Variants in OPCML observed in about 807,000 individuals in gnomAD.
OPCML encodes the protein opioid binding protein/cell adhesion molecule like, also known as opioid-binding protein/cell adhesion molecule.
In OPCML, 13 loss-of-function variants were observed where a neutral mutation model predicts 37.8. The ratio of observed to expected loss-of-function variants is 0.34; its 90% CI spans 0.22 to 0.55. The LOEUF (loss-of-function observed/expected upper bound fraction) is 0.55, where lower values mean the gene tolerates loss of function less well. Among genes scored for constraint, OPCML ranks in the 20% least tolerant of loss-of-function variants. OPCML has a pLI of 0.91. For missense variants in OPCML, 341 were observed against 435.6 expected, an observed-to-expected ratio of 0.78 and a Z score of 1.93; for synonymous variants, 176 against 168.8, an observed-to-expected ratio of 1.04 and a Z score of -0.33.
At chr11:132,948,152 A>C (rs150503062) in intron 1 of OPCML, among the ~76,000 whole-genome samples, 9 of 152,352 alleles carry the variant, frequency 5.9e-5, no homozygotes, top group African/African-American at 2.2e-4. Context: ...TTTAAAATCA[A>C]GGCTGGTAAG....
chr11:133,152,094 C>A (rs1949995124), intron 1 of OPCML, among the ~76,000 whole-genome samples: 2 of 152,134 alleles, frequency 1.3e-5, no homozygotes, highest in South Asian at 4.1e-4. Flanking sequence ...TGTATTGTTT[C>A]TACCTTGGAG....
chr11:133,447,216 T>C (rs1946490534), intron 1 of OPCML, among the ~76,000 whole-genome samples: 1 of 152,210 alleles, frequency 6.6e-6, no homozygotes, highest in African/African-American at 2.4e-5. Flanking sequence ...TGTCTGTCTT[T>C]TTTTCTTCAA....
chr11:133,043,067 G>A (rs886907311), intron 1 of OPCML, among the ~76,000 whole-genome samples: 7 of 152,106 alleles, frequency 4.6e-5, no homozygotes, highest in African/African-American at 1.7e-4. Flanking sequence ...GACTCACCCA[G>A]CACAAACACA....
At chr11:133,397,392 A>C (rs996660068) in intron 1 of OPCML, among the ~76,000 whole-genome samples, 1 of 152,224 alleles carries the variant, frequency 6.6e-6, no homozygotes, top group African/African-American at 2.4e-5. Flanking sequence ...ACTTTATTAC[A>C]TTGGATAGAG....
chr11:133,132,234 T>A (rs1024413797), intron 1 of OPCML, among the ~76,000 whole-genome samples: 1 of 152,160 alleles, frequency 6.6e-6, no homozygotes, highest in Non-Finnish European at 1.5e-5. Flanking sequence ...TGAAAAACAC[T>A]TCACCAAAGA....
rs1249911416 is a variant in OPCML, at chr11:133,174,353, C to T, written c.62-231343G>A. On this transcript the variant is annotated intron_variant, in intron 1 of 7. Coordinates refer to ENST00000524381, the MANE Select transcript of OPCML (RefSeq NM_001012393.5). The surrounding 1 kb of genome is among the most constrained non-coding windows in gnomAD (Gnocchi z 4.6). ...TCCAGGTCAGATGAAATGGCCATTTCTAGTTTCTCAAAAGCCCCATTCCCT... is the reference window on the plus strand; with the variant it reads ...TCCAGGTCAGATGAAATGGCCATTTTTAGTTTCTCAAAAGCCCCATTCCCT... Among the ~76,000 whole-genome samples, 1 of 152,120 alleles carries T rather than the reference C, an allele frequency of 6.6e-6. No homozygotes were observed. Among genetic ancestry groups the T allele is most frequent in the Non-Finnish European group, 1.5e-5 (1 of 68,018 alleles).
chr11:132,579,910 C>A (rs887693534), intron 3 of OPCML, among the ~76,000 whole-genome samples: 2 of 152,134 alleles, frequency 1.3e-5, no homozygotes, highest in African/African-American at 4.8e-5. Context: ...GCACTGGCGA[C>A]TTGTGAAAAA....
chr11:132,752,354 T>G (rs1195046083), intron 2 of OPCML, among the ~76,000 whole-genome samples: 1 of 152,184 alleles, frequency 6.6e-6, no homozygotes, highest in Admixed American at 6.5e-5. Context: ...CAGCACATCT[T>G]TGTCTGAAAC....
At position 132,842,035 on chromosome 11, in the gene OPCML, CAG is replaced by C. The variant is rs1381114162; in HGVS notation, c.146+100889_146+100890del. Among the ~76,000 whole-genome samples, 12 of 152,194 alleles carry C rather than the reference CAG, an allele frequency of 7.9e-5. No individual in the cohort carries two copies. In the South Asian group the frequency reaches 2.1e-3, roughly 26 times the overall value. On this transcript the variant is annotated intron_variant, in intron 2 of 7. Transcript: ENST00000524381. ...TTGAGGTGACAGGCTCTCAGTAACA[CAG>C]GGGAAAGTTCAGAAGCCATGGAAAT...
intron 2 of OPCML, among the ~76,000 whole-genome samples, chr11:132,875,590 G>T (rs761169621): frequency 1.3e-5 from 2 of 151,328 alleles, no homozygotes; most frequent in Non-Finnish European, 2.9e-5. Flanking sequence ...TCAGCCTCCC[G>T]AGTAGCTGTG....
chr11:132,447,351 T>G (rs1194537475), intron 4 of OPCML, among the ~76,000 whole-genome samples: 1 of 152,122 alleles, frequency 6.6e-6, no homozygotes, highest in Non-Finnish European at 1.5e-5. Context: ...CAGACAGGAG[T>G]GCAGTGGCGC....
intron 1 of OPCML, among the ~76,000 whole-genome samples, chr11:133,185,392 CTT>C (rs1938024472): frequency 6.6e-6 from 1 of 152,146 alleles, no homozygotes; most frequent in Non-Finnish European, 1.5e-5. Flanking sequence ...AGCTTTCTAA[CTT>C]TATTTCACTG....
chr11:132,462,587 G>A (rs1940022), intron 4 of OPCML, among the ~76,000 whole-genome samples: 9,933 of 152,244 alleles, frequency 0.065, 906 homozygotes, highest in African/African-American at 0.21. Flanking sequence ...CCTGGCTAGA[G>A]TCTCCTTGGT....
chr11:132,795,552 C>T (rs1938255331), intron 2 of OPCML, among the ~76,000 whole-genome samples: 1 of 152,202 alleles, frequency 6.6e-6, no homozygotes, highest in African/African-American at 2.4e-5. Context: ...CCCCATTTGT[C>T]CCCAAGTCTC....
chr11:132,596,827 A>G (rs1016246767), intron 3 of OPCML, among the ~76,000 whole-genome samples: 2 of 152,218 alleles, frequency 1.3e-5, no homozygotes, highest in Non-Finnish European at 2.9e-5. Flanking sequence ...TTCCCATTGA[A>G]ATAGGTATGT....
rs747067752 is a variant in OPCML at position 132,418,387 on chromosome 11, C to G, written c.*1806G>C. 6.6e-6 allele frequency: 1 copy of G among 152,356 alleles called. No individual in the cohort carries two copies. The highest frequency in any genetic ancestry group is 2.4e-5 in the African/African-American group (1 of 41,444). 9.4% of individuals were successfully genotyped at this position (152,356 alleles called of 1,614,324 possible). ...GTCCTTCTCGTCCCAGGAGACAAGA[C>G]AGCAAAGGTGGCTCAGCTCTTGTTT... On this transcript the variant is annotated 3_prime_UTR_variant, in exon 8 of 8. Transcript: ENST00000524381.
At chr11:132,657,006 C>A in intron 3 of OPCML, 81 bp downstream of exon 3, 1 of 1,551,844 alleles carries the variant, frequency 6.4e-7, no homozygotes, top group Non-Finnish European at 8.7e-7. Flanking sequence ...TGTCTTCGCA[C>A]ACAGGTAGAA....
At chr11:132,883,440 T>C (rs936862371) in intron 2 of OPCML, among the ~76,000 whole-genome samples, 6 of 152,150 alleles carry the variant, frequency 3.9e-5, no homozygotes, top group African/African-American at 1.4e-4. Context: ...AGAAGGCTGT[T>C]AGAGAGCTGC....
chr11:133,389,675 T>C (rs1306239252), intron 1 of OPCML, among the ~76,000 whole-genome samples: 1 of 152,196 alleles, frequency 6.6e-6, no homozygotes, highest in African/African-American at 2.4e-5. Flanking sequence ...TCAAGTTGAA[T>C]AAACAATCAC....
Sources: allele counts gnomAD v4.1 joint callset (sites outside exome capture counted in the v4.1 genomes callset), GRCh38; gene constraint gnomAD v4.1.1; non-coding constraint Gnocchi (gnomAD v3.1); transcripts MANE v1.5; gene names NCBI Gene and HGNC (gene_info 2026-07-23, HGNC 2026-07-21).